The following DMD variants were observed in gnomAD, a reference collection of about 807,000 sequenced individuals.
DMD encodes mutant dystrophin.
A neutral mutation model predicts 330.1 loss-of-function variants in DMD; 63 were observed. The ratio of observed to expected loss-of-function variants is 0.19; its 90% confidence interval spans 0.16 to 0.24. DMD has a LOEUF of 0.24. Ranked by LOEUF, DMD falls within the 10% of genes least tolerant of loss-of-function variation. The pLI is 1.00. For synonymous variants in DMD, 1,223 were observed against 959.8 expected (o/e 1.27, Z -5.07); for missense variants, 3,344 against 2,684.1 (o/e 1.25, Z -5.43).
At chrX:32,534,451 C>T (rs2047765399) in intron 17 of DMD, among the ~76,000 whole-genome samples, 1 of 111,164 alleles carries the variant, frequency 9.0e-6, no homozygotes, top group Admixed American at 9.5e-5. Context: ...TCTCCTTGTC[C>T]CATTCTTCCA....
chrX:32,129,124 G>T (rs1489686889), intron 44 of DMD, among the ~76,000 whole-genome samples: 1 of 111,369 alleles, frequency 9.0e-6, no homozygotes, highest in East Asian at 2.8e-4. Flanking sequence ...AATGTATACT[G>T]TATCTTTCAG....
intron 61 of DMD, among the ~76,000 whole-genome samples, chrX:31,340,799 C>T (rs1012737521): frequency 1.8e-5 from 2 of 112,179 alleles, no homozygotes; most frequent in African/African-American, 6.5e-5. Flanking sequence ...GGGTATAAGA[C>T]ATAATTCATT....
intron 1 of DMD, among the ~76,000 whole-genome samples, chrX:33,256,064 A>G (rs1413486736): frequency 9.0e-6 from 1 of 111,429 alleles, no homozygotes; most frequent in Non-Finnish European, 1.9e-5. Flanking sequence ...TCAAAAGCTC[A>G]GTTATACTTT....
At chrX:32,210,016 G>A (rs1776699080) in intron 44 of DMD, among the ~76,000 whole-genome samples, 1 of 111,639 alleles carries the variant, frequency 9.0e-6, no homozygotes, top group Non-Finnish European at 1.9e-5. Context: ...AAGATGGATA[G>A]GGGCCAAAAA....
intron 1 of DMD, among the ~76,000 whole-genome samples, chrX:33,330,555 T>C (rs2054157402): frequency 1.8e-5 from 2 of 111,874 alleles, no homozygotes; most frequent in Non-Finnish European, 3.8e-5. Context: ...TTTCCAGGGA[T>C]AGACGTACAT....
intron 77 of DMD, 145 bp from the exon 78 acceptor site, chrX:31,126,818 A>T: frequency 2.0e-6 from 1 of 489,945 alleles, no homozygotes; most frequent in Non-Finnish European, 3.5e-6. Flanking sequence ...AAAAAAAAAA[A>T]AAAAAACAGA....
rs2098119457 is a variant in DMD, at chrX:32,406,817, G to A, written c.4233+4935C>T. Among the ~76,000 whole-genome samples the A allele has an allele frequency of 3.6e-5, 4 of 111,361 alleles. No individual in the cohort carries two copies. The Admixed American group carries it at 3.8e-4, about 11-fold the overall frequency. On this transcript the variant is annotated intron_variant, in intron 30 of 78. Transcript: ENST00000357033. Reference sequence around the variant, plus strand: ...ACAGAACAAAGCCCTCATAAATAATGCCACATATCTACAACTATCTGATCT... The same window carrying A: ...ACAGAACAAAGCCCTCATAAATAATACCACATATCTACAACTATCTGATCT...
In DMD at chrX:31,799,407, C is replaced by T. The variant is rs774440925; in HGVS notation, c.7309+20568G>A. 4.0e-3 allele frequency among the ~76,000 whole-genome samples: 443 copies of T among 111,474 alleles called. 1 individual carries two copies. The highest frequency in any genetic ancestry group is 0.014 in the Middle Eastern group (3 of 215). ...GGAGAATGAGTGCCAGCAGGGGAAACGCCAGACACTTATAAAACCATCAGA... is the reference window on the plus strand; with the variant it reads ...GGAGAATGAGTGCCAGCAGGGGAAATGCCAGACACTTATAAAACCATCAGA... On this transcript the variant is annotated intron_variant, in intron 50 of 78. Transcript: ENST00000357033.
chrX:31,358,880 G>C (rs1005981414), intron 60 of DMD, among the ~76,000 whole-genome samples: 6 of 112,016 alleles, frequency 5.4e-5, no homozygotes. Context: ...CATTTGGTTT[G>C]AGGGCCTTCT....
chrX:33,051,644 C>CTTTTTTTTTTTTT, intron 1 of DMD, among the ~76,000 whole-genome samples: 1 of 80,710 alleles, frequency 1.2e-5, no homozygotes, highest in Middle Eastern at 6.3e-3. Context: ...TAATTACGCT[C>CTTTTTTTTTTTTT]TATTTTTTTT....
At chrX:32,569,910 T>A (rs766068956) in intron 15 of DMD, among the ~76,000 whole-genome samples, 36 of 111,727 alleles carry the variant, frequency 3.2e-4, no homozygotes, top group South Asian at 1.9e-3. Flanking sequence ...ATAATTTACG[T>A]GATTCTACAA....
At chrX:32,992,017 A>C (rs972864797) in intron 2 of DMD, among the ~76,000 whole-genome samples, 4 of 112,247 alleles carry the variant, frequency 3.6e-5, no homozygotes, top group Non-Finnish European at 7.5e-5. Flanking sequence ...AACATGATTT[A>C]CATTTTGTCA....
At chrX:32,725,448 G>C (rs762215235) in intron 7 of DMD, among the ~76,000 whole-genome samples, 4 of 110,851 alleles carry the variant, frequency 3.6e-5, no homozygotes, top group South Asian at 3.7e-4. Flanking sequence ...GATGAAAAAA[G>C]ATATTCCATG....
chrX:32,025,474 A>G (rs951585740), intron 44 of DMD, among the ~76,000 whole-genome samples: 4 of 111,862 alleles, frequency 3.6e-5, no homozygotes, highest in African/African-American at 6.5e-5. Flanking sequence ...TGGACAGCAC[A>G]GAGACAGAAC....
At chrX:31,566,601 G>A (rs2075478126) in intron 55 of DMD, among the ~76,000 whole-genome samples, 1 of 111,555 alleles carries the variant, frequency 9.0e-6, no homozygotes, top group African/African-American at 3.2e-5. Context: ...TTTTCTTATA[G>A]ATTTTAGAGT....
intron 54 of DMD, among the ~76,000 whole-genome samples, chrX:31,645,487 A>T: frequency 8.9e-6 from 1 of 112,345 alleles, no homozygotes. Flanking sequence ...ATAGAGTCAA[A>T]ATTCACGTAA....
intron 26 of DMD, among the ~76,000 whole-genome samples, chrX:32,452,283 G>T (rs1261996514): frequency 8.6e-5 from 4 of 46,721 alleles, no homozygotes; most frequent in African/African-American, 2.4e-4. Context: ...CAATGGAAAA[G>T]AAAGGAAAGG....
intron 2 of DMD, among the ~76,000 whole-genome samples, chrX:33,004,575 TTCA>T (rs1317491832): frequency 8.9e-6 from 1 of 111,739 alleles, no homozygotes; most frequent in African/African-American, 3.2e-5. Context: ...TCCCTATCCC[TTCA>T]TCGATATTTA....
chrX:31,207,109 C>G (rs2044153720), intron 65 of DMD, among the ~76,000 whole-genome samples: 1 of 111,891 alleles, frequency 8.9e-6, no homozygotes, highest in Non-Finnish European at 1.9e-5. Flanking sequence ...CAGCAACTAA[C>G]TGCTCAGCCC....
Sources: gnomAD v4.1 joint callset for allele counts (sites outside exome capture counted in the v4.1 genomes callset) on GRCh38, gnomAD v4.1.1 for gene constraint, MANE v1.5 for transcripts, NCBI Gene and HGNC (gene_info 2026-07-23, HGNC 2026-07-21) for gene names.